DMD: variants seen among roughly 807,000 people sequenced by gnomAD.
DMD encodes the protein mutant dystrophin.
A neutral mutation model predicts 330.1 loss-of-function variants in DMD; 63 were observed. The ratio of observed to expected loss-of-function variants is 0.19; its 90% CI spans 0.16 to 0.24. The LOEUF (loss-of-function observed/expected upper bound fraction) is 0.24, where lower values mean the gene tolerates loss of function less well. Among genes scored for constraint, DMD ranks in the 10% least tolerant of loss-of-function variants. The pLI, the probability that DMD is intolerant of heterozygous loss-of-function variation, is 1.00. For missense variants in DMD, 3,344 were observed against 2,684.1 expected (o/e 1.25, Z -5.43); for synonymous variants, 1,223 against 959.8 (o/e 1.27, Z -5.07).
At chrX:32,654,617 T>A (rs1358288436) in intron 9 of DMD, among the ~76,000 whole-genome samples, 4 of 111,341 alleles carry the variant, frequency 3.6e-5, no homozygotes, top group Non-Finnish European at 7.5e-5. Context: ...TTCTCTTTTT[T>A]TTGTTTTGTC....
intron 26 of DMD, among the ~76,000 whole-genome samples, chrX:32,450,898 G>A (rs1163757420): frequency 9.0e-6 from 1 of 110,973 alleles, no homozygotes; most frequent in Non-Finnish European, 1.9e-5. Context: ...GGAAAGGTTC[G>A]AAGAACAAAC....
intron 45 of DMD, among the ~76,000 whole-genome samples, chrX:31,962,264 G>A (rs1444127698): frequency 9.0e-6 from 1 of 111,378 alleles, no homozygotes; most frequent in Non-Finnish European, 1.9e-5. Flanking sequence ...CACCCTAACC[G>A]TCATCATCAT....
chrX:32,205,998 A>G (rs1362642491), intron 44 of DMD: 2 of 470,803 alleles, frequency 4.2e-6, no homozygotes, highest in East Asian at 8.0e-5. Context: ...TAATAATGAA[A>G]TTGAGCAACA....
At chrX:33,026,724 G>A (rs774398687) in intron 1 of DMD, among the ~76,000 whole-genome samples, 45 of 111,708 alleles carry the variant, frequency 4.0e-4, no homozygotes, top group African/African-American at 1.2e-3. Context: ...TTAAACTTCT[G>A]CACGAAGAAC....
chrX:32,842,894 G>C (rs758534376), intron 4 of DMD, among the ~76,000 whole-genome samples: 4 of 111,104 alleles, frequency 3.6e-5, no homozygotes, highest in Non-Finnish European at 7.5e-5. Flanking sequence ...TGCAACCTCA[G>C]CCTCTGGGTT....
chrX:32,925,394 A>G (rs757277631), intron 2 of DMD, among the ~76,000 whole-genome samples: 7 of 110,419 alleles, frequency 6.3e-5, no homozygotes, highest in Admixed American at 2.9e-4. Flanking sequence ...GGAACTTTAA[A>G]GAATAGAACC....
chrX:32,044,578 T>A (rs187022049), intron 44 of DMD, among the ~76,000 whole-genome samples: 2 of 110,269 alleles, frequency 1.8e-5, no homozygotes, highest in African/African-American at 6.6e-5. Context: ...CCTGCCACCA[T>A]GCCCAGCTAA....
rs771684844 is a variant in DMD, at chrX:32,731,318, G to C, written c.650-32025C>G. Among the ~76,000 whole-genome samples the C allele has an allele frequency of 1.8e-3, 200 of 112,405 alleles. 1 individual carries two copies. The highest frequency in any genetic ancestry group is 1.5e-3 in the Non-Finnish European group (80 of 53,180). ...GCAGTCTGAGATCAAACTGCAAGGT[G>C]GCAGCAAGGCTGGGGGAGGGGCACC... On this transcript the variant is annotated intron_variant, in intron 7 of 78. Transcript: ENST00000357033.
At chrX:32,824,043 G>A (rs753348770) in intron 4 of DMD, among the ~76,000 whole-genome samples, 3 of 111,966 alleles carry the variant, frequency 2.7e-5, no homozygotes, top group African/African-American at 9.7e-5. Flanking sequence ...AATGCAAATT[G>A]TAACCACAAT....
At chrX:33,011,164 T>C (rs182373768) in intron 2 of DMD, among the ~76,000 whole-genome samples, 12 of 111,718 alleles carry the variant, frequency 1.1e-4, no homozygotes, top group Admixed American at 5.8e-4. Flanking sequence ...TGGGGCAGTC[T>C]AATTCTTCTA....
chrX:32,572,157 G>A (rs754751044), intron 15 of DMD, among the ~76,000 whole-genome samples: 1 of 111,385 alleles, frequency 9.0e-6, no homozygotes, highest in Non-Finnish European at 1.9e-5. Flanking sequence ...TCAATAATAA[G>A]CTAGCTTGTA....
chrX:32,897,782 C>T (rs2085861512), intron 2 of DMD, among the ~76,000 whole-genome samples: 2 of 111,616 alleles, frequency 1.8e-5, no homozygotes, highest in South Asian at 3.8e-4. Context: ...GTTAAGAAGC[C>T]TTAGTTCAAT....
At chrX:32,740,752 GTAGGACACTGTTTTAAGTAC>G (rs948164613) in intron 7 of DMD, among the ~76,000 whole-genome samples, 1 of 111,134 alleles carries the variant, frequency 9.0e-6, no homozygotes, top group Non-Finnish European at 1.9e-5. Flanking sequence ...GTATCCATGT[GTAGGACACTGTTTTAAGTAC>G]TTCCCATGCG....
intron 44 of DMD, among the ~76,000 whole-genome samples, chrX:32,034,574 T>C (rs754388100): frequency 1.8e-5 from 2 of 111,678 alleles, no homozygotes; most frequent in African/African-American, 6.5e-5. Context: ...AAAACGTATA[T>C]GCTGAAAGTG....
chrX:32,366,176 T>C lies in DMD; in HGVS notation c.4846-977A>G, dbSNP rs945551759. 2.2e-4 allele frequency among the ~76,000 whole-genome samples: 25 copies of C among 112,013 alleles called. 1 individual carries two copies. The highest frequency in any genetic ancestry group is 1.9e-3 in the Admixed American group (20 of 10,585). On this transcript the variant is annotated intron_variant, in intron 34 of 78. Coordinates refer to ENST00000357033, the MANE Select transcript of DMD (RefSeq NM_004006.3). ...AGAGTAGTGATGGAAAAAGTGATCT[T>C]AGTACAAAGGTTTACTACCTGCCCT...
intron 45 of DMD, among the ~76,000 whole-genome samples, chrX:31,964,528 G>A (rs1009851516): frequency 6.3e-5 from 7 of 110,661 alleles, no homozygotes; most frequent in African/African-American, 2.0e-4. Context: ...ATTTCAAAGC[G>A]ACACATGCTG....
At chrX:31,390,070 C>T (rs774652471) in intron 60 of DMD, among the ~76,000 whole-genome samples, 9 of 111,107 alleles carry the variant, frequency 8.1e-5, no homozygotes, top group Non-Finnish European at 1.7e-4. Context: ...TATCAATTAA[C>T]ATCCTCAGAT....
At chrX:32,597,158 A>T (rs139067627) in intron 12 of DMD, among the ~76,000 whole-genome samples, 1 of 111,739 alleles carries the variant, frequency 8.9e-6, no homozygotes, top group South Asian at 3.7e-4. Context: ...TTCAGGACTC[A>T]ATGTAAGTGT....
intron 47 of DMD, among the ~76,000 whole-genome samples, chrX:31,909,098 A>G (rs1268467650): frequency 8.9e-6 from 1 of 112,484 alleles, no homozygotes; most frequent in Non-Finnish European, 1.9e-5. Context: ...AATCAAGTCA[A>G]AGCAATGTGA....
Sources: allele counts gnomAD v4.1 joint callset (sites outside exome capture counted in the v4.1 genomes callset), GRCh38; gene constraint gnomAD v4.1.1; transcripts MANE v1.5; gene names NCBI Gene and HGNC (gene_info 2026-07-23, HGNC 2026-07-21).